Variants in UNC13B observed in about 807,000 individuals in gnomAD.
UNC13B encodes unc-13 homolog B, also known as protein unc-13 homolog B.
A neutral mutation model predicts 211.0 loss-of-function variants in UNC13B; 144 were observed. The ratio of observed to expected loss-of-function variants is 0.68; its 90% CI spans 0.60 to 0.78. The LOEUF (loss-of-function observed/expected upper bound fraction) is 0.78. UNC13B is among the 30% of genes least tolerant of loss of function. UNC13B has a pLI of 0.00. For synonymous variants in UNC13B, 709 were observed against 725.8 expected, an observed-to-expected ratio of 0.98 and a Z score of 0.37; for missense variants, 1,777 against 2,002.0, an observed-to-expected ratio of 0.89 and a Z score of 2.14.
At chr9:35,312,892 T>A (rs1830250128) in intron 10 of UNC13B, among the ~76,000 whole-genome samples, 1 of 152,212 alleles carries the variant, frequency 6.6e-6, no homozygotes, top group Admixed American at 6.6e-5. Flanking sequence ...AGGAACCAGA[T>A]CATGGCAGTA....
intron 11 of UNC13B, chr9:35,352,126 G>C: frequency 8.1e-7 from 1 of 1,232,240 alleles, no homozygotes; most frequent in Non-Finnish European, 1.0e-6. Context: ...CCCTGGCCAA[G>C]GTGTGTGAGG....
chr9:35,260,118 G>C (rs553305570), intron 7 of UNC13B, among the ~76,000 whole-genome samples: 7 of 151,760 alleles, frequency 4.6e-5, no homozygotes, highest in Admixed American at 1.3e-4. Context: ...GCTGAGGTGG[G>C]AGGATGGCTT....
chr9:35,282,763 G>T (rs10972418), intron 7 of UNC13B, among the ~76,000 whole-genome samples: 27,200 of 151,932 alleles, frequency 0.18, 2,818 homozygotes, highest in Non-Finnish European at 0.24. Flanking sequence ...TTATTCTATG[G>T]GTTCCCCCTC....
At chr9:35,397,021 A>G (rs1835927372) in intron 28 of UNC13B, 84 bp downstream of exon 28, 1 of 1,605,588 alleles carries the variant, frequency 6.2e-7, no homozygotes, top group Non-Finnish European at 8.5e-7. Flanking sequence ...GGCTTTGGCC[A>G]GGATGGCTAT....
chr9:35,185,939 A>G (rs1822336133), intron 1 of UNC13B, among the ~76,000 whole-genome samples: 1 of 151,858 alleles, frequency 6.6e-6, no homozygotes, highest in Non-Finnish European at 1.5e-5. Context: ...AAAGAAAAAA[A>G]AAAAACAACA....
intron 2 of UNC13B, among the ~76,000 whole-genome samples, chr9:35,228,475 A>G (rs1397642109): frequency 3.3e-5 from 5 of 151,832 alleles, no homozygotes; most frequent in African/African-American, 1.2e-4. Flanking sequence ...TCCTAATGCT[A>G]TCCCTCCCCC....
At chr9:35,382,294 C>T in intron 20 of UNC13B, 63 bp from the exon 21 acceptor site, 1 of 1,550,490 alleles carries the variant, frequency 6.4e-7, no homozygotes, top group Non-Finnish European at 8.7e-7. Context: ...TTTTAGAGTT[C>T]CTGCTTGGCT....
chr9:35,333,120 T>C (rs1393912614), intron 11 of UNC13B, among the ~76,000 whole-genome samples: 7 of 152,092 alleles, frequency 4.6e-5, no homozygotes, highest in Non-Finnish European at 8.8e-5. Flanking sequence ...ATAATTATAA[T>C]GTATATTATC....
chr9:35,396,755 C>T (rs964669751), intron 27 of UNC13B, 86 bp from the exon 28 acceptor site: 12 of 1,600,182 alleles, frequency 7.5e-6, no homozygotes, highest in Admixed American at 3.3e-5. Context: ...CCTGCCATCC[C>T]GAGGACCCCA....
rs1471043143 is a variant in UNC13B, at chr9:35,304,117, T to C, written c.4713T>C (p.Asn1571=). Residue 1571 remains asparagine, a synonymous_variant, in exon 9 of 40, where the codon AAT becomes AAC. Transcript: ENST00000635942. ...ATTTGGATTGTGATTTACAGACAAA[T>C]GGTCTATCAAGTATTACGTTGGATG... ...QEYLDCDLQT[N]GLSSITLDDS... The C allele has an allele frequency of 2.5e-6, 1 of 398,744 alleles. No homozygotes were observed. The highest frequency in any genetic ancestry group is 2.1e-5 in the African/African-American group (1 of 48,636). 24.7% of individuals were successfully genotyped at this position (398,744 alleles called of 1,614,324 possible). A position where few individuals can be genotyped will look rare whatever the true frequency, so the allele number is the denominator to read the frequency against.
At position 35,404,239 on chromosome 9, in the gene UNC13B, T is replaced by C; in HGVS notation, c.*206T>C. The C allele has an allele frequency of 1.5e-6, 1 of 646,924 alleles. No homozygotes were observed. The highest frequency in any genetic ancestry group is 2.6e-6 in the Non-Finnish European group (1 of 384,708). 40.1% of individuals were successfully genotyped at this position (646,924 alleles called of 1,614,324 possible). A position where few individuals can be genotyped will look rare whatever the true frequency, so the allele number is the denominator to read the frequency against. On this transcript the variant is annotated 3_prime_UTR_variant, in exon 40 of 40. Transcript: ENST00000635942. ...CCCTGGCCCAACAGGACTGTGGTAC[T>C]AGGGGCTGGGATGTGGGGTTACCAC...
At chr9:35,198,883 T>C (rs1201516767) in intron 1 of UNC13B, among the ~76,000 whole-genome samples, 1 of 152,190 alleles carries the variant, frequency 6.6e-6, no homozygotes, top group South Asian at 2.1e-4. Context: ...TATTATACTT[T>C]AAGTTCTAGG....
intron 11 of UNC13B, among the ~76,000 whole-genome samples, chr9:35,320,861 T>C (rs1308735741): frequency 6.6e-6 from 1 of 152,200 alleles, no homozygotes; most frequent in Non-Finnish European, 1.5e-5. Context: ...TTAGCTAACC[T>C]TTTGTGGATG....
intron 11 of UNC13B, among the ~76,000 whole-genome samples, chr9:35,315,657 C>A (rs1450089699): frequency 1.3e-5 from 2 of 152,178 alleles, no homozygotes; most frequent in African/African-American, 2.4e-5. Context: ...ACACTATTAT[C>A]AAGACCCTAT....
chr9:35,355,071 A>G (rs1214516153), intron 11 of UNC13B, among the ~76,000 whole-genome samples: 1 of 152,228 alleles, frequency 6.6e-6, no homozygotes, highest in Non-Finnish European at 1.5e-5. Context: ...GTGTAGCTAT[A>G]AAAAGAATGT....
chr9:35,257,308 AATATAAATATT>A (rs1826940081), intron 6 of UNC13B, among the ~76,000 whole-genome samples: 2 of 98,340 alleles, frequency 2.0e-5, no homozygotes, highest in Non-Finnish European at 4.7e-5. Flanking sequence ...ATTTATAAAA[AATATAAATATT>A]TATAAAAATA....
chr9:35,375,479 C>T (rs1834339683), intron 14 of UNC13B, among the ~76,000 whole-genome samples: 1 of 152,266 alleles, frequency 6.6e-6, no homozygotes, highest in African/African-American at 2.4e-5. Flanking sequence ...TCTTAGAAAG[C>T]GTGAATGCTG....
chr9:35,277,858 C>G (rs1302119395), intron 7 of UNC13B, among the ~76,000 whole-genome samples: 1 of 151,858 alleles, frequency 6.6e-6, no homozygotes, highest in African/African-American at 2.4e-5. Flanking sequence ...ACAGTAATAC[C>G]ATGGAAAGTA....
intron 1 of UNC13B, among the ~76,000 whole-genome samples, chr9:35,188,472 T>G (rs1822479556): frequency 6.6e-6 from 1 of 152,226 alleles, no homozygotes; most frequent in Non-Finnish European, 1.5e-5. Context: ...GGAACATATA[T>G]TAGTATTCAC....
Sources: gnomAD v4.1 joint callset for allele counts (sites outside exome capture counted in the v4.1 genomes callset) on GRCh38, gnomAD v4.1.1 for gene constraint, MANE v1.5 for transcripts, NCBI Gene and HGNC (gene_info 2026-07-23, HGNC 2026-07-21) for gene names.